Variants in SREK1IP1 observed in about 807,000 individuals in gnomAD.
SREK1IP1 encodes the protein SREK1 interacting protein 1, also known as protein SREK1IP1.
A neutral mutation model predicts 22.8 loss-of-function variants in SREK1IP1; 12 were observed. That is an observed-to-expected ratio of 0.53 (90% CI 0.34 to 0.85). SREK1IP1 has a LOEUF of 0.85. Among genes scored for constraint, SREK1IP1 ranks in the 40% least tolerant of loss-of-function variants. SREK1IP1 has a pLI of 0.02. For missense variants in SREK1IP1, 147 were observed against 171.8 expected, an observed-to-expected ratio of 0.86 and a Z score of 0.81; for synonymous variants, 53 against 52.7, an observed-to-expected ratio of 1.01 and a Z score of -0.02.
chr5:64,719,552 C>T lies in SREK1IP1; in HGVS notation c.*4832G>A, dbSNP rs1237723978. The T allele has an allele frequency of 6.6e-6, 1 of 151,968 alleles. No individual in the cohort carries two copies. The highest frequency in any genetic ancestry group is 2.1e-4 in the South Asian group (1 of 4,820). The allele number at this position is 151,968 out of a possible 1,614,324, so 9.4% of individuals were successfully genotyped here. On this transcript the variant is annotated 3_prime_UTR_variant, in exon 5 of 5. Transcript: ENST00000513458. Reference sequence around the variant, plus strand: ...CTTTACAGTAATTTAATAATATTACCATATTGTCTCAGGTGAAAATCTAGG... The same window carrying T: ...CTTTACAGTAATTTAATAATATTACTATATTGTCTCAGGTGAAAATCTAGG...
At chr5:64,751,742 T>C (rs2112105653) in intron 2 of SREK1IP1, among the ~76,000 whole-genome samples, 1 of 152,334 alleles carries the variant, frequency 6.6e-6, no homozygotes, top group Admixed American at 6.5e-5. Context: ...GATAAATTTC[T>C]TTACAAGTAT....
At position 64,726,900 on chromosome 5, in the gene SREK1IP1, A is replaced by G. The variant is rs573697847; in HGVS notation, c.278+1207T>C. Among the ~76,000 whole-genome samples the G allele has an allele frequency of 7.2e-5, 11 of 152,342 alleles. No individual in the cohort carries two copies. The East Asian group carries it at 1.5e-3, about 21-fold the overall frequency. On this transcript the variant is annotated intron_variant, in intron 4 of 4. Transcript: ENST00000513458. The stretch of plus-strand genomic sequence containing the variant: ...TGCACCATCATAAAGTTGAAAGATC[A>G]TATCAAACCACATAAATTGGGAACT...
chr5:64,750,611 C>T (rs141579957), intron 2 of SREK1IP1, among the ~76,000 whole-genome samples: 5 of 152,234 alleles, frequency 3.3e-5, no homozygotes, highest in African/African-American at 1.2e-4. Flanking sequence ...CAAACTGGTA[C>T]CTGTCTCAAA....
intron 2 of SREK1IP1, among the ~76,000 whole-genome samples, chr5:64,753,636 T>C (rs1350054129): frequency 2.0e-5 from 3 of 152,246 alleles, no homozygotes; most frequent in Non-Finnish European, 4.4e-5. Context: ...TAAAACTTAA[T>C]AACTCTTCAA....
rs187511395 is a variant in SREK1IP1 at position 64,751,222 on chromosome 5, T to C, written c.61+3093A>G. On this transcript the variant is annotated intron_variant, in intron 2 of 4. Transcript: ENST00000513458. ...TTGGCTAATGTGATGCTACATGCTC[T>C]TGTTTCTTCTGCCATATTTTCCCGG... Among the ~76,000 whole-genome samples the C allele has an allele frequency of 6.6e-5, 10 of 152,368 alleles. No homozygotes were observed. The East Asian group carries it at 1.7e-3, about 26-fold the overall frequency.
chr5:64,722,023 G>A lies in SREK1IP1; in HGVS notation c.*2361C>T, dbSNP rs2112081326. ...ACTGCTAAATTCAGTTTTCCTTCTGGTACATACTGCCTGGGAGGGAATTTC... is the reference window on the plus strand; with the variant it reads ...ACTGCTAAATTCAGTTTTCCTTCTGATACATACTGCCTGGGAGGGAATTTC... On this transcript the variant is annotated 3_prime_UTR_variant, in exon 5 of 5. Transcript: ENST00000513458. 1 of 152,072 alleles carries A rather than the reference G, an allele frequency of 6.6e-6. No individual in the cohort carries two copies. The highest frequency in any genetic ancestry group is 6.6e-5 in the Admixed American group (1 of 15,256). The allele number at this position is 152,072 out of a possible 1,614,324, so 9.4% of individuals were successfully genotyped here. A position where few individuals can be genotyped will look rare whatever the true frequency, so the allele number is the denominator to read the frequency against.
rs1322017507 is a variant in SREK1IP1 at position 64,720,313 on chromosome 5, G to C, written c.*4071C>G. On this transcript the variant is annotated 3_prime_UTR_variant, in exon 5 of 5. Coordinates refer to ENST00000513458, the MANE Select transcript of SREK1IP1 (RefSeq NM_173829.4). ...GCTTTATGTGTTTTTAGATGATTTA[G>C]GTTACTGTGTAATTTTTGGAAATAA... 4 of 151,488 alleles carry C rather than the reference G, an allele frequency of 2.6e-5. No homozygotes were observed. The highest frequency in any genetic ancestry group is 9.8e-5 in the African/African-American group (4 of 40,854). 9.4% of individuals were successfully genotyped at this position (151,488 alleles called of 1,614,324 possible). A position where few individuals can be genotyped will look rare whatever the true frequency, so the allele number is the denominator to read the frequency against.
Position 64,736,464 on chromosome 5 carries a change from A to ATT in SREK1IP1, c.205+4591_205+4592dup, listed in dbSNP as rs1215824112. 4.4e-4 allele frequency among the ~76,000 whole-genome samples: 63 copies of ATT among 144,660 alleles called. 1 individual carries two copies. Among genetic ancestry groups the ATT allele is most frequent in the African/African-American group, 1.3e-3 (53 of 39,552 alleles). 94.9% of individuals were successfully genotyped at this position (144,660 alleles called of 152,430 possible). On this transcript the variant is annotated intron_variant, in intron 3 of 4. Coordinates refer to ENST00000513458, the MANE Select transcript of SREK1IP1 (RefSeq NM_173829.4). ...GTTAGTAGGTGCATAAACACTTAGA[A>ATT]TTTTTTTTTTTTTTTGAGATGGAGT...
intron 1 of SREK1IP1, among the ~76,000 whole-genome samples, chr5:64,766,262 C>T (rs7737021): frequency 0.063 from 9,523 of 152,288 alleles, 966 homozygotes; most frequent in African/African-American, 0.22. Context: ...AAGCCCCAGA[C>T]TGGATGTCAT....
At position 64,722,220 on chromosome 5, in the gene SREK1IP1, T is replaced by G. The variant is rs1307340159; in HGVS notation, c.*2164A>C. 5 of 152,264 alleles carry G rather than the reference T, an allele frequency of 3.3e-5. No individual in the cohort carries two copies. The highest frequency in any genetic ancestry group is 2.6e-4 in the Admixed American group (4 of 15,296). 9.4% of individuals were successfully genotyped at this position (152,264 alleles called of 1,614,324 possible). On this transcript the variant is annotated 3_prime_UTR_variant, in exon 5 of 5. Coordinates refer to ENST00000513458, the MANE Select transcript of SREK1IP1 (RefSeq NM_173829.4). ...CCAACATCATTTCTGGGGGGAAAAT[T>G]ACTGATCATTAAAATATTTTAATTT...
rs1480139639 is a variant in SREK1IP1 at position 64,723,915 on chromosome 5, GATATT to G, written c.*464_*468del. The G allele has an allele frequency of 6.6e-6, 1 of 152,568 alleles. No homozygotes were observed. The highest frequency in any genetic ancestry group is 2.4e-5 in the African/African-American group (1 of 41,380). 9.5% of individuals were successfully genotyped at this position (152,568 alleles called of 1,614,324 possible). ...CTGAAGAATTTCACTATCTTTAAAAGATATTATATTTTAGTACATAAAGCTATTAA... is the reference window on the plus strand; with the variant it reads ...CTGAAGAATTTCACTATCTTTAAAAGATATTTTAGTACATAAAGCTATTAA... On this transcript the variant is annotated 3_prime_UTR_variant, in exon 5 of 5. Transcript: ENST00000513458.
intron 3 of SREK1IP1, among the ~76,000 whole-genome samples, chr5:64,728,558 T>A (rs1742316057): frequency 6.6e-6 from 1 of 152,204 alleles, no homozygotes; most frequent in South Asian, 2.1e-4. Context: ...TGTATTATTC[T>A]CTAACTTGTT....
rs768616262 is a variant in SREK1IP1, at chr5:64,721,761, T to G, written c.*2623A>C. ...AATATCAATTATCTGCTTGAAGAAG[T>G]TGAACGTGTTTATTATATTAATAAA... On this transcript the variant is annotated 3_prime_UTR_variant, in exon 5 of 5. Coordinates refer to ENST00000513458, the MANE Select transcript of SREK1IP1 (RefSeq NM_173829.4). 1 of 152,238 alleles carries G rather than the reference T, an allele frequency of 6.6e-6. No homozygotes were observed. Among genetic ancestry groups the G allele is most frequent in the South Asian group, 2.1e-4 (1 of 4,820 alleles). The allele number at this position is 152,238 out of a possible 1,614,324, so 9.4% of individuals were successfully genotyped here.
At position 64,728,089 on chromosome 5, in the gene SREK1IP1, ATGT is replaced by A. The variant is rs1742305398; in HGVS notation, c.278+15_278+17del. 1 of 1,356,604 alleles carries A rather than the reference ATGT, an allele frequency of 7.4e-7. No homozygotes were observed. The highest frequency in any genetic ancestry group is 1.6e-5 in the African/African-American group (1 of 63,134). The allele number at this position is 1,356,604 out of a possible 1,614,324, so 84.0% of individuals were successfully genotyped here. A position where few individuals can be genotyped will look rare whatever the true frequency, so the allele number is the denominator to read the frequency against. ...TCATAGGCCTGCTTTGTTTTTTAAAATGTTGTTCAAAAAATACCTTTTCCTTTT... is the reference window on the plus strand; with the variant it reads ...TCATAGGCCTGCTTTGTTTTTTAAAATGTTCAAAAAATACCTTTTCCTTTT... On this transcript the variant is annotated intron_variant, in intron 4 of 4. Coordinates refer to ENST00000513458, the MANE Select transcript of SREK1IP1 (RefSeq NM_173829.4).
intron 2 of SREK1IP1, among the ~76,000 whole-genome samples, chr5:64,750,033 C>A (rs1050020613): frequency 6.6e-6 from 1 of 152,058 alleles, no homozygotes; most frequent in Non-Finnish European, 1.5e-5. Flanking sequence ...GTTAACAGCC[C>A]CATTCATTGA....
intron 3 of SREK1IP1, among the ~76,000 whole-genome samples, chr5:64,733,887 T>A (rs1331921043): frequency 6.6e-6 from 1 of 152,164 alleles, no homozygotes; most frequent in Non-Finnish European, 1.5e-5. Context: ...TACTGTAAGA[T>A]TCTATTTACA....
At chr5:64,752,487 T>A (rs1354329217) in intron 2 of SREK1IP1, among the ~76,000 whole-genome samples, 2 of 152,104 alleles carry the variant, frequency 1.3e-5, no homozygotes, top group African/African-American at 4.8e-5. Context: ...CTAAGGAAAT[T>A]CTGCCACAGA....
chr5:64,740,927 A>G, intron 3 of SREK1IP1, 130 bp downstream of exon 3: 1 of 808,648 alleles, frequency 1.2e-6, no homozygotes, highest in Non-Finnish European at 1.9e-6. Context: ...CAATATTTAA[A>G]ACCTATTTCC....
intron 3 of SREK1IP1, among the ~76,000 whole-genome samples, chr5:64,732,722 A>G (rs1384012881): frequency 6.6e-6 from 1 of 152,180 alleles, no homozygotes; most frequent in Non-Finnish European, 1.5e-5. Context: ...ACGGAAATGA[A>G]AAGGAACTAA....
Sources: gnomAD v4.1 joint callset for allele counts (sites outside exome capture counted in the v4.1 genomes callset) on GRCh38, gnomAD v4.1.1 for gene constraint, MANE v1.5 for transcripts, NCBI Gene and HGNC (gene_info 2026-07-23, HGNC 2026-07-21) for gene names.